BCL2A1: variants seen among roughly 807,000 people sequenced by gnomAD.
The protein encoded by BCL2A1 is BCL2 related protein A1.
A neutral mutation model predicts 14.4 loss-of-function variants in BCL2A1; 10 were observed. That is an observed-to-expected ratio of 0.69 (90% confidence interval 0.43 to 1.18). The LOEUF is 1.18. BCL2A1 is among the 50% of genes most tolerant of loss of function. The pLI is 0.00. For missense variants in BCL2A1, 158 were observed against 205.0 expected, an observed-to-expected ratio of 0.77 and a Z score of 1.40; for synonymous variants, 71 against 76.5, an observed-to-expected ratio of 0.93 and a Z score of 0.38.
chr15:79,967,813 G>A (rs1458002429), intron 1 of BCL2A1: 8 of 647,926 alleles, frequency 1.2e-5, no homozygotes, highest in Middle Eastern at 2.9e-4. Flanking sequence ...ACTGCCTATC[G>A]TTGACAGAAT....
chr15:79,970,863 C>G lies in BCL2A1; in HGVS notation c.257G>C (p.Trp86Ser), dbSNP rs1269466130. The change falls in exon 1 of 2, where the codon TGG becomes TCG. Residue 86 changes from tryptophan (W) to serine (S), a missense_variant. Trp to Ser is a radical substitution (Grantham distance 177). Transcript: ENST00000267953. ...TGCAAATATGGTTACAATTCTTCCC[C>G]AGTTAATGATGCCGTCTTCAAACTC... is the stretch of plus-strand genomic sequence containing the variant. Reference protein sequence around the residue: ...EKEFEDGIINWGRIVTIFAFE... With the variant: ...EKEFEDGIINSGRIVTIFAFE... 6.2e-7 allele frequency: 1 copy of G among 1,614,244 alleles called. No homozygotes were observed. The highest frequency in any genetic ancestry group is 8.5e-7 in the Non-Finnish European group (1 of 1,180,040).
chr15:79,963,739 T>C (rs551965553), intron 1 of BCL2A1, among the ~76,000 whole-genome samples: 87 of 152,270 alleles, frequency 5.7e-4, no homozygotes, highest in South Asian at 2.3e-3. Context: ...TTCTAAAATA[T>C]TGGAGGGTAG....
chr15:79,963,534 TTTG>T (rs1452857787), intron 1 of BCL2A1, among the ~76,000 whole-genome samples: 1 of 152,206 alleles, frequency 6.6e-6, no homozygotes, highest in Non-Finnish European at 1.5e-5. Context: ...TTAAATTGGC[TTTG>T]TTATTTTATG....
In BCL2A1 at chr15:79,970,766, A is replaced by G; in HGVS notation, c.354T>C (p.Ile118=). ...IAPDVDTYKE[I]SYFVAEFIMN... The stretch of plus-strand genomic sequence containing the variant: ...TTATGAACTCCGCAACAAAATATGA[A>G]ATCTCCTTATAGGTATCCACATCCG... The change falls in exon 1 of 2, where the codon ATT becomes ATC. Residue 118 remains isoleucine (I), a synonymous_variant. Coordinates refer to ENST00000267953, the MANE Select transcript of BCL2A1 (RefSeq NM_004049.4). 1 of 1,614,170 alleles carries G rather than the reference A, an allele frequency of 6.2e-7. No homozygotes were observed. Among genetic ancestry groups the G allele is most frequent in the Non-Finnish European group, 8.5e-7 (1 of 1,180,012 alleles).
intron 1 of BCL2A1, among the ~76,000 whole-genome samples, chr15:79,961,472 C>T (rs926815600): frequency 1.2e-4 from 18 of 151,964 alleles, no homozygotes; most frequent in Admixed American, 2.6e-4. Context: ...ATTCTTTTTT[C>T]ATAACAAACC....
intron 1 of BCL2A1, among the ~76,000 whole-genome samples, chr15:79,964,005 G>A (rs1410148877): frequency 6.6e-6 from 1 of 152,166 alleles, no homozygotes; most frequent in East Asian, 1.9e-4. Flanking sequence ...TGCATACAAT[G>A]TCTGCATGTG....
intron 1 of BCL2A1, 25 bp downstream of exon 1, chr15:79,970,675 T>C (rs1336740602): frequency 6.4e-7 from 1 of 1,560,260 alleles, no homozygotes; most frequent in East Asian, 2.3e-5. Context: ...GAAAGAACAA[T>C]GAAGAATTTT....
At chr15:79,961,288 T>C (rs1013841442) in intron 1 of BCL2A1, 114 bp from the exon 2 acceptor site, 7 of 975,544 alleles carry the variant, frequency 7.2e-6, no homozygotes, top group Non-Finnish European at 1.1e-5. Flanking sequence ...CTACCCCTTC[T>C]ACCCCTGTTA....
intron 1 of BCL2A1, among the ~76,000 whole-genome samples, chr15:79,966,633 C>G (rs531747036): frequency 1.3e-5 from 2 of 152,172 alleles, no homozygotes; most frequent in Non-Finnish European, 2.9e-5. Flanking sequence ...TTTTAAGAAC[C>G]ATCCTTTCCT....
chr15:79,967,885 G>A (rs913585883), intron 1 of BCL2A1, among the ~76,000 whole-genome samples: 4 of 151,800 alleles, frequency 2.6e-5, no homozygotes, highest in African/African-American at 9.7e-5. Flanking sequence ...ATTTCCAAGA[G>A]TATTTATTTC....
intron 1 of BCL2A1, among the ~76,000 whole-genome samples, chr15:79,968,728 C>T (rs113851280): frequency 0.023 from 3,484 of 152,276 alleles, 104 homozygotes; most frequent in African/African-American, 0.072. Flanking sequence ...GTCAGGAGTT[C>T]GAGACCAGCC....
rs764769476 is a variant in BCL2A1 at position 79,970,744 on chromosome 15, T to C, written c.376A>G (p.Ile126Val). The stretch of plus-strand genomic sequence containing the variant: ...ATCCATTCTCCTGTGTTATTCATTA[T>C]GAACTCCGCAACAAAATATGAAATC... ...KEISYFVAEF[I>V]MNNTGEWIRQ... The change falls in exon 1 of 2, where the codon ATA becomes GTA. Residue 126 changes from isoleucine to valine, a missense_variant. By Grantham distance (29) the Ile-to-Val change is conservative. Coordinates refer to ENST00000267953, the MANE Select transcript of BCL2A1 (RefSeq NM_004049.4). 9.3e-6 allele frequency: 15 copies of C among 1,614,090 alleles called. No individual in the cohort carries two copies. Among genetic ancestry groups the C allele is most frequent in the Non-Finnish European group, 1.3e-5 (15 of 1,179,904 alleles).
intron 1 of BCL2A1, among the ~76,000 whole-genome samples, chr15:79,961,468 T>G (rs2035490278): frequency 6.6e-6 from 1 of 152,236 alleles, no homozygotes; most frequent in South Asian, 2.1e-4. Context: ...AGATATTCTT[T>G]TTTCATAACA....
At chr15:79,968,794 G>A (rs368624189) in intron 1 of BCL2A1, among the ~76,000 whole-genome samples, 1 of 152,186 alleles carries the variant, frequency 6.6e-6, no homozygotes. Context: ...GCTGGGTGTG[G>A]TGGCACATGC....
intron 1 of BCL2A1, among the ~76,000 whole-genome samples, chr15:79,965,629 A>G (rs955874136): frequency 6.6e-6 from 1 of 152,172 alleles, no homozygotes; most frequent in Non-Finnish European, 1.5e-5. Flanking sequence ...TATGAGAGAC[A>G]GGAGTCCAGG....
In BCL2A1 at chr15:79,961,052, G is replaced by A; in HGVS notation, c.*15C>T. On this transcript the variant is annotated 3_prime_UTR_variant, in exon 2 of 2. Transcript: ENST00000267953. The stretch of plus-strand genomic sequence containing the variant: ...AAAATTAGGCCGGTTTCACAATATG[G>A]AGTGTCCTTTCTGGTCAACAGTATT... 2 of 1,613,270 alleles carry A rather than the reference G, an allele frequency of 1.2e-6. No homozygotes were observed. Among genetic ancestry groups the A allele is most frequent in the South Asian group, 1.1e-5 (1 of 91,040 alleles).
At chr15:79,963,980 C>T (rs1473185614) in intron 1 of BCL2A1, among the ~76,000 whole-genome samples, 2 of 152,154 alleles carry the variant, frequency 1.3e-5, no homozygotes, top group African/African-American at 4.8e-5. Flanking sequence ...AACTCTTGTG[C>T]ACCCTAATTA....
chr15:79,965,599 G>C (rs1294632544), intron 1 of BCL2A1, among the ~76,000 whole-genome samples: 2 of 152,146 alleles, frequency 1.3e-5, no homozygotes, highest in Non-Finnish European at 2.9e-5. Context: ...AGGGGGATTT[G>C]CTGATGGATG....
Position 79,969,705 on chromosome 15 carries a change from T to C in BCL2A1, c.420+995A>G, listed in dbSNP as rs114590786. On this transcript the variant is annotated intron_variant, in intron 1 of 1. Transcript: ENST00000267953. ...TATATGGTATAACATATATGTTATGTAAAACATATACATAAGCATACATAT... is the reference window on the plus strand; with the variant it reads ...TATATGGTATAACATATATGTTATGCAAAACATATACATAAGCATACATAT... 1.8e-3 allele frequency among the ~76,000 whole-genome samples: 273 copies of C among 152,350 alleles called. 2 individuals are homozygous for C. The highest frequency in any genetic ancestry group is 6.4e-3 in the African/African-American group (268 of 41,574).
Sources: gnomAD v4.1 joint callset for allele counts (sites outside exome capture counted in the v4.1 genomes callset) on GRCh38, gnomAD v4.1.1 for gene constraint, MANE v1.5 for transcripts, NCBI Gene and HGNC (gene_info 2026-07-23, HGNC 2026-07-21) for gene names.